AGAP1: variants seen among roughly 807,000 people sequenced by gnomAD.
AGAP1 encodes arf-GAP with GTPase, ANK repeat and PH domain-containing protein 1.
In AGAP1, 29 loss-of-function variants were observed where a neutral mutation model predicts 105.3. That is an observed-to-expected ratio of 0.28 (90% CI 0.21 to 0.38). The LOEUF (loss-of-function observed/expected upper bound fraction) is 0.38. Ranked by LOEUF, AGAP1 falls within the 10% of genes least tolerant of loss-of-function variation. The pLI is 1.00. For synonymous variants in AGAP1, 509 were observed against 485.9 expected (o/e 1.05, Z -0.63); for missense variants, 998 against 1,165.1 (o/e 0.86, Z 2.09).
chr2:235,719,263 G>A lies in AGAP1; in HGVS notation c.310+1619G>A, dbSNP rs1232956801. On this transcript the variant is annotated intron_variant, in intron 3 of 17. Coordinates refer to ENST00000304032, the MANE Select transcript of AGAP1 (RefSeq NM_001037131.3). The surrounding 1 kb of genome is among the most constrained non-coding windows in gnomAD (Gnocchi z 4.9). ...GCAGCGCTGGAGGCCCTGGGTTTCT[G>A]GAGTAAGAACAAGGACCACGACTCA... 1.3e-5 allele frequency among the ~76,000 whole-genome samples: 2 copies of A among 152,136 alleles called. No individual in the cohort carries two copies. The highest frequency in any genetic ancestry group is 2.9e-5 in the Non-Finnish European group (2 of 68,026).
intron 6 of AGAP1, among the ~76,000 whole-genome samples, chr2:235,764,342 C>T (rs570269980): frequency 6.6e-6 from 1 of 152,316 alleles, no homozygotes; most frequent in African/African-American, 2.4e-5. Flanking sequence ...AGCTGTGGCC[C>T]ACCACGGTCG....
rs1164384329 is a variant in AGAP1 at position 235,799,798 on chromosome 2, G to C, written c.957+276G>C. 6.6e-6 allele frequency among the ~76,000 whole-genome samples: 1 copy of C among 152,156 alleles called. No individual in the cohort carries two copies. The highest frequency in any genetic ancestry group is 2.4e-5 in the African/African-American group (1 of 41,424). On this transcript the variant is annotated intron_variant, in intron 8 of 17. Coordinates refer to ENST00000304032, the MANE Select transcript of AGAP1 (RefSeq NM_001037131.3). This position sits in a 1 kb window ranked among gnomAD's most constrained non-coding sequence, Gnocchi z 5.0. ...AGGCACTTGTTATCCTGTGGCTCCA[G>C]CTAAAGATGTGTCACAGTGGATACA...
At position 235,504,733 on chromosome 2, in the gene AGAP1, A is replaced by G. The variant is rs143115487; in HGVS notation, c.163+9884A>G. Among the ~76,000 whole-genome samples, 385 of 152,262 alleles carry G rather than the reference A, an allele frequency of 2.5e-3. 2 individuals carry two copies. The highest frequency in any genetic ancestry group is 8.7e-3 in the African/African-American group (360 of 41,540). On this transcript the variant is annotated intron_variant, in intron 1 of 17. Coordinates refer to ENST00000304032, the MANE Select transcript of AGAP1 (RefSeq NM_001037131.3). ...TCTGGGAAACCTTTCAGTGCTTTCA[A>G]GGTTCATTTTATGACACTCAGGATG...
intron 1 of AGAP1, among the ~76,000 whole-genome samples, chr2:235,572,961 G>A (rs868191528): frequency 6.6e-5 from 10 of 150,764 alleles, no homozygotes; most frequent in Middle Eastern, 3.5e-3. Context: ...CAGACTCCCC[G>A]ATTGCTCCAT....
intron 13 of AGAP1, among the ~76,000 whole-genome samples, chr2:235,984,270 T>TG (rs2055211487): frequency 1.3e-5 from 2 of 152,226 alleles, no homozygotes; most frequent in Admixed American, 1.3e-4. Flanking sequence ...TTCCATAGTG[T>TG]GGATTTACAA....
At chr2:236,029,023 C>T (rs568478042) in intron 13 of AGAP1, among the ~76,000 whole-genome samples, 1 of 152,184 alleles carries the variant, frequency 6.6e-6, no homozygotes, top group Non-Finnish European at 1.5e-5. Context: ...TACTTACCAA[C>T]ATGTGAAGTG....
chr2:235,510,305 C>A (rs933209509), intron 1 of AGAP1, among the ~76,000 whole-genome samples: 26 of 152,286 alleles, frequency 1.7e-4, no homozygotes, highest in African/African-American at 6.3e-4. Context: ...CAGTAAAGGA[C>A]CCCTTCTTTG....
At chr2:236,041,992 G>A (rs1471441973) in intron 15 of AGAP1, among the ~76,000 whole-genome samples, 1 of 152,168 alleles carries the variant, frequency 6.6e-6, no homozygotes, top group Non-Finnish European at 1.5e-5. Context: ...GATTAGAGAT[G>A]CTTTTTGGGC....
In AGAP1 at chr2:235,494,665, C is replaced by T. The variant is rs757344919; in HGVS notation, c.-22C>T. 2.0e-5 allele frequency: 21 copies of T among 1,058,418 alleles called. No homozygotes were observed. The highest frequency in any genetic ancestry group is 4.8e-4 in the Middle Eastern group (1 of 2,062). 65.6% of individuals were successfully genotyped at this position (1,058,418 alleles called of 1,614,324 possible). ...GGCGGCGGCGGCGGGGGGCGCGCGGCTCCGGGCGCGGCGCCTGCACCATGA... is the reference window on the plus strand; with the variant it reads ...GGCGGCGGCGGCGGGGGGCGCGCGGTTCCGGGCGCGGCGCCTGCACCATGA... On this transcript the variant is annotated 5_prime_UTR_variant, in exon 1 of 18. Coordinates refer to ENST00000304032, the MANE Select transcript of AGAP1 (RefSeq NM_001037131.3).
chr2:235,592,721 T>C (rs936568117), intron 1 of AGAP1, among the ~76,000 whole-genome samples: 5 of 152,072 alleles, frequency 3.3e-5, no homozygotes, highest in Admixed American at 6.5e-5. Flanking sequence ...ATCTTAGTTA[T>C]GGTGTCAGTC....
chr2:235,494,637 C>CGGGGCG lies in AGAP1; in HGVS notation c.-48_-43dup. The stretch of plus-strand genomic sequence containing the variant: ...TCGGCGGCCCGCGGGCCCCGGGGCG[C>CGGGGCG]GGGGCGGCGGCGGCGGGGGGCGCGC... On this transcript the variant is annotated 5_prime_UTR_variant, in exon 1 of 18. Transcript: ENST00000304032. 1.0e-6 allele frequency: 1 copy of CGGGGCG among 968,806 alleles called. No individual in the cohort carries two copies. The highest frequency in any genetic ancestry group is 1.2e-6 in the Non-Finnish European group (1 of 818,218). 60.0% of individuals were successfully genotyped at this position (968,806 alleles called of 1,614,324 possible).
rs1285432701 is a variant in AGAP1, at chr2:235,614,637, C to A, written c.164-94542C>A. On this transcript the variant is annotated intron_variant, in intron 1 of 17. Coordinates refer to ENST00000304032, the MANE Select transcript of AGAP1 (RefSeq NM_001037131.3). The surrounding 1 kb of genome is among the most constrained non-coding windows in gnomAD (Gnocchi z 4.7). ...TGCAGGAGTGTGGGTTGGCTCTCTA[C>A]CCCCGTTGCAGATTGGCTTGTGGTT... Among the ~76,000 whole-genome samples, 1 of 152,192 alleles carries A rather than the reference C, an allele frequency of 6.6e-6. No homozygotes were observed. Among genetic ancestry groups the A allele is most frequent in the Non-Finnish European group, 1.5e-5 (1 of 68,030 alleles).
intron 1 of AGAP1, among the ~76,000 whole-genome samples, chr2:235,629,014 A>G (rs1252149524): frequency 6.6e-6 from 1 of 151,800 alleles, no homozygotes; most frequent in African/African-American, 2.4e-5. Flanking sequence ...GTTTCACCAT[A>G]TTGGCCAGGC....
At chr2:236,081,674 T>G (rs754883840) in intron 16 of AGAP1, among the ~76,000 whole-genome samples, 22 of 152,018 alleles carry the variant, frequency 1.4e-4, no homozygotes, top group Non-Finnish European at 2.4e-4. Context: ...GTGGGTTTTT[T>G]TTTTTTTTTT....
At chr2:235,514,760 C>G (rs867060426) in intron 1 of AGAP1, among the ~76,000 whole-genome samples, 13 of 152,370 alleles carry the variant, frequency 8.5e-5, no homozygotes, top group African/African-American at 2.2e-4. Flanking sequence ...GCTCAGGAAC[C>G]AAACCCCGGT....
intron 6 of AGAP1, among the ~76,000 whole-genome samples, chr2:235,773,189 T>G (rs1575415650): frequency 6.6e-6 from 1 of 152,182 alleles, no homozygotes; most frequent in East Asian, 1.9e-4. Context: ...TTCTGGGGTT[T>G]AAATATCCTC....
At chr2:235,525,334 A>ATACATAATGTGGAGGACTG (rs1559223400) in intron 1 of AGAP1, among the ~76,000 whole-genome samples, 4 of 69,132 alleles carry the variant, frequency 5.8e-5, no homozygotes, top group African/African-American at 1.9e-4. Context: ...GTGGAGGACT[A>ATACATAATGTGGAGGACTG]ATACATAATG....
Position 235,621,052 on chromosome 2 carries a change from G to A in AGAP1, c.164-88127G>A, listed in dbSNP as rs1018544850. Among the ~76,000 whole-genome samples, 4 of 152,008 alleles carry A rather than the reference G, an allele frequency of 2.6e-5. No homozygotes were observed. Among genetic ancestry groups the A allele is most frequent in the African/African-American group, 7.3e-5 (3 of 41,376 alleles). ...TTCCTTTTTTTGGAGACCCAGTCTC[G>A]CTCTTGTCTCCCAGGCTGGAGTACA... On this transcript the variant is annotated intron_variant, in intron 1 of 17. Coordinates refer to ENST00000304032, the MANE Select transcript of AGAP1 (RefSeq NM_001037131.3). This position sits in a 1 kb window ranked among gnomAD's most constrained non-coding sequence, Gnocchi z 4.1.
chr2:235,530,047 G>A (rs1227703867), intron 1 of AGAP1, among the ~76,000 whole-genome samples: 2 of 152,156 alleles, frequency 1.3e-5, no homozygotes, highest in African/African-American at 4.8e-5. Flanking sequence ...ACTAAGAAGA[G>A]AAGGCACAGG....
Sources: gnomAD v4.1 joint callset for allele counts (sites outside exome capture counted in the v4.1 genomes callset) on GRCh38, gnomAD v4.1.1 for gene constraint, Gnocchi (gnomAD v3.1) non-coding constraint, MANE v1.5 for transcripts, NCBI Gene and HGNC (gene_info 2026-07-23, HGNC 2026-07-21) for gene names.